UST: variants seen among roughly 807,000 people sequenced by gnomAD.
UST encodes uronyl 2-sulfotransferase.
UST carries 21 observed loss-of-function variants against 45.6 expected under a neutral mutation model. The ratio of observed to expected loss-of-function variants is 0.46; its 90% confidence interval spans 0.33 to 0.66. UST has a LOEUF of 0.66. Among genes scored for constraint, UST ranks in the 30% least tolerant of loss-of-function variants. The pLI, the probability that UST is intolerant of heterozygous loss-of-function variation, is 0.02. For synonymous variants in UST, 215 were observed against 200.6 expected (o/e 1.07, Z -0.61); for missense variants, 463 against 512.4 (o/e 0.90, Z 0.93).
intron 1 of UST, among the ~76,000 whole-genome samples, chr6:148,877,931 G>C (rs1366045625): frequency 1.2e-5 from 1 of 81,324 alleles, no homozygotes; most frequent in African/African-American, 5.2e-5. Flanking sequence ...GTGTATGAGT[G>C]GGGGGGTCGT....
At chr6:148,861,029 T>G (rs1582858687) in intron 1 of UST, among the ~76,000 whole-genome samples, 1 of 152,228 alleles carries the variant, frequency 6.6e-6, no homozygotes, top group South Asian at 2.1e-4. Context: ...TTAGGGAGGA[T>G]TCCCTCTTTT....
chr6:148,799,166 G>A (rs757060303), intron 1 of UST, among the ~76,000 whole-genome samples: 4 of 152,150 alleles, frequency 2.6e-5, no homozygotes, highest in Admixed American at 2.0e-4. Flanking sequence ...CACCGCATCC[G>A]GCCAGGAGAT....
At chr6:148,769,307 A>G (rs1483159) in intron 1 of UST, among the ~76,000 whole-genome samples, 52,521 of 152,206 alleles carry the variant, frequency 0.35, 9,337 homozygotes, top group African/African-American at 0.42. Flanking sequence ...AATTCAAGGC[A>G]CCACAGACAT....
intron 1 of UST, among the ~76,000 whole-genome samples, chr6:148,799,685 A>G (rs1777021081): frequency 6.6e-6 from 1 of 151,648 alleles, no homozygotes; most frequent in Non-Finnish European, 1.5e-5. Context: ...TTTTCTTGCC[A>G]ATTTCTTATC....
intron 2 of UST, among the ~76,000 whole-genome samples, chr6:148,896,737 CAT>C (rs1779139516): frequency 6.6e-6 from 1 of 152,140 alleles, no homozygotes; most frequent in South Asian, 2.1e-4. Context: ...AGGCTGAAAA[CAT>C]GTGACTGTGT....
chr6:148,883,171 A>G (rs545822356), intron 1 of UST, among the ~76,000 whole-genome samples: 1 of 152,238 alleles, frequency 6.6e-6, no homozygotes, highest in Non-Finnish European at 1.5e-5. Context: ...AGAATTGACC[A>G]TTTTGCTGTG....
Position 148,747,555 on chromosome 6 carries a change from G to A in UST, c.125G>A (p.Arg42His), listed in dbSNP as rs1178290844. 2 of 1,571,692 alleles carry A rather than the reference G, an allele frequency of 1.3e-6. No homozygotes were observed. Among genetic ancestry groups the A allele is most frequent in the East Asian group, 4.8e-5 (2 of 41,678 alleles). The change falls in exon 1 of 8, where the codon CGC (arginine) becomes CAC (histidine). Residue 42 changes from arginine (R) to histidine (H), a missense_variant. Around this residue, in one of 2 missense-constraint regions of UST, gnomAD observed 176 missense variants for 138.3 expected, o/e 1.27. Coordinates refer to ENST00000367463, the MANE Select transcript of UST (RefSeq NM_005715.3). Reference protein sequence around the residue: ...KRRVPLLPFLRFSLRDYGFCM... With the variant: ...KRRVPLLPFLHFSLRDYGFCM... ...CGGGTGCCCCTGCTGCCTTTCCTGC[G>A]CTTCTCCCTCCGGGACTACGGCTTC...
intron 4 of UST, among the ~76,000 whole-genome samples, chr6:148,962,483 C>G (rs559042659): frequency 6.6e-6 from 1 of 152,234 alleles, no homozygotes; most frequent in Admixed American, 6.5e-5. Flanking sequence ...CAAGCCTTGT[C>G]TTCCTAGTCC....
intron 1 of UST, among the ~76,000 whole-genome samples, chr6:148,867,474 C>T (rs922270238): frequency 6.6e-6 from 1 of 152,020 alleles, no homozygotes; most frequent in Non-Finnish European, 1.5e-5. Context: ...ATTTATTATT[C>T]ATACTTTGAT....
intron 1 of UST, among the ~76,000 whole-genome samples, chr6:148,818,073 C>T (rs192874739): frequency 1.4e-4 from 22 of 152,254 alleles, no homozygotes; most frequent in African/African-American, 4.3e-4. Context: ...TACATTTACT[C>T]CCCTTAGAAC....
chr6:148,918,398 A>G (rs1217397426), intron 2 of UST, among the ~76,000 whole-genome samples: 1 of 152,234 alleles, frequency 6.6e-6, no homozygotes, highest in Non-Finnish European at 1.5e-5. Context: ...CAGCTGTTAA[A>G]TAGCCATTTG....
chr6:148,852,286 A>G (rs926215654), intron 1 of UST, among the ~76,000 whole-genome samples: 1 of 152,218 alleles, frequency 6.6e-6, no homozygotes, highest in Non-Finnish European at 1.5e-5. Flanking sequence ...TAAATAGACA[A>G]ATTACACTGA....
intron 1 of UST, among the ~76,000 whole-genome samples, chr6:148,758,993 G>A (rs772848651): frequency 2.0e-5 from 3 of 152,198 alleles, no homozygotes; most frequent in Non-Finnish European, 4.4e-5. Flanking sequence ...GATGGAGGGG[G>A]CACTAGGCCT....
chr6:148,899,522 T>C (rs2114861623), intron 2 of UST, among the ~76,000 whole-genome samples: 1 of 152,312 alleles, frequency 6.6e-6, no homozygotes, highest in South Asian at 2.1e-4. Context: ...CAGGAAAAAA[T>C]AATTACCCAC....
At chr6:148,946,068 C>T (rs1172052620) in intron 3 of UST, among the ~76,000 whole-genome samples, 1 of 152,198 alleles carries the variant, frequency 6.6e-6, no homozygotes, top group Non-Finnish European at 1.5e-5. Context: ...GTTGCTCTTG[C>T]CCCCTGCAAG....
At chr6:148,759,857 A>AC (rs1776177964) in intron 1 of UST, among the ~76,000 whole-genome samples, 1 of 151,306 alleles carries the variant, frequency 6.6e-6, no homozygotes, top group Non-Finnish European at 1.5e-5. Flanking sequence ...CAAAAAAAAA[A>AC]AAAAAAAAAA....
At chr6:149,010,879 A>C (rs1159751413) in intron 5 of UST, among the ~76,000 whole-genome samples, 3 of 132,676 alleles carry the variant, frequency 2.3e-5, no homozygotes, top group Non-Finnish European at 4.8e-5. Flanking sequence ...GAGACAGAGC[A>C]AGACTCCGTC....
At chr6:149,015,545 C>T (rs1295688788) in intron 5 of UST, among the ~76,000 whole-genome samples, 1 of 152,120 alleles carries the variant, frequency 6.6e-6, no homozygotes, top group Non-Finnish European at 1.5e-5. Flanking sequence ...CAGGTGCTGG[C>T]AAGCAGGCTG....
At chr6:148,786,822 C>T (rs1776743185) in intron 1 of UST, among the ~76,000 whole-genome samples, 1 of 152,102 alleles carries the variant, frequency 6.6e-6, no homozygotes, top group South Asian at 2.1e-4. Context: ...ACACTGTCTT[C>T]CACAACCAAC....
Sources: allele counts gnomAD v4.1 joint callset (sites outside exome capture counted in the v4.1 genomes callset), GRCh38; gene constraint gnomAD v4.1.1; regional missense constraint gnomAD v4.1.1; transcripts MANE v1.5; gene names NCBI Gene and HGNC (gene_info 2026-07-23, HGNC 2026-07-21).